Variants in SGSM3 observed in about 807,000 individuals in gnomAD.
The protein encoded by SGSM3 is RUN and SH3 containing 3.
In SGSM3, 96 loss-of-function variants were observed where a neutral mutation model predicts 100.5. That is an observed-to-expected ratio of 0.96 (90% CI 0.81 to 1.13). The LOEUF is 1.13. Among genes scored for constraint, SGSM3 ranks in the 50% most tolerant of loss-of-function variants. SGSM3 has a pLI of 0.00. For missense variants in SGSM3, 1,001 were observed against 1,015.8 expected (o/e 0.99, Z 0.20); for synonymous variants, 483 against 422.8 (o/e 1.14, Z -1.75).
chr22:40,393,551 C>G (rs1013503664), intron 1 of SGSM3, among the ~76,000 whole-genome samples: 5 of 152,240 alleles, frequency 3.3e-5, no homozygotes, highest in African/African-American at 1.2e-4. Context: ...TTTTCAGGAT[C>G]ACAAACAACC....
intron 1 of SGSM3, among the ~76,000 whole-genome samples, chr22:40,393,262 C>T (rs907953937): frequency 7.9e-5 from 12 of 152,310 alleles, no homozygotes; most frequent in African/African-American, 2.2e-4. Flanking sequence ...GACTAAGAGG[C>T]GCGTGCCACC....
At chr22:40,388,820 A>C (rs757951729) in intron 1 of SGSM3, among the ~76,000 whole-genome samples, 7 of 152,164 alleles carry the variant, frequency 4.6e-5, no homozygotes, top group Non-Finnish European at 7.3e-5. Flanking sequence ...AAGGTGAAGA[A>C]TCCATTAAAC....
In SGSM3 at chr22:40,410,103, G is replaced by A; in HGVS notation, c.*344G>A. On this transcript the variant is annotated 3_prime_UTR_variant, in exon 22 of 22. Transcript: ENST00000248929. ...TTATAAATAAACTGTGTCTGTCTTT[G>A]AGAAAGCACCTACCTGTCTTCTGTG... 4 of 1,096,856 alleles carry A rather than the reference G, an allele frequency of 3.6e-6. No homozygotes were observed. The African/African-American group carries it at 5.0e-5, about 14-fold the overall frequency. 67.9% of individuals were successfully genotyped at this position (1,096,856 alleles called of 1,614,324 possible). A position where few individuals can be genotyped will look rare whatever the true frequency, so the allele number is the denominator to read the frequency against.
chr22:40,399,912 G>C (rs1196604833), intron 1 of SGSM3, among the ~76,000 whole-genome samples: 1 of 152,360 alleles, frequency 6.6e-6, no homozygotes, highest in East Asian at 1.9e-4. Flanking sequence ...TGGCCAGTGT[G>C]TGTCTGGGGC....
In SGSM3 at chr22:40,406,515, C is replaced by T. The variant is rs749911127; in HGVS notation, c.1038C>T (p.Asp346=). The change falls in exon 10 of 22, where the codon GAC becomes GAT. Residue 346 remains aspartate (D), a synonymous_variant. Transcript: ENST00000248929. ...TLSDIPSQME[D]AELLLGVAMR... is the part of the protein sequence containing the mutation. ...CGGATATCCCGTCGCAGATGGAGGA[C>T]GCGGAGCTGCTTCTGGGGGTGGCCA... 43 of 1,612,652 alleles carry T rather than the reference C, an allele frequency of 2.7e-5. No individual in the cohort carries two copies. The highest frequency in any genetic ancestry group is 6.7e-5 in the Admixed American group (4 of 59,986).
rs752201890 is a variant in SGSM3 at position 40,408,269 on chromosome 22, C to T, written c.1630-8C>T. On this transcript the variant is annotated splice_region_variant and splice_polypyrimidine_tract_variant and intron_variant, in intron 15 of 21. Coordinates refer to ENST00000248929, the MANE Select transcript of SGSM3 (RefSeq NM_015705.6). The stretch of plus-strand genomic sequence containing the variant: ...GCAGGGCTTTCTCAGACCCATCCCT[C>T]CCATCAGTACTCCATCGCGGGGGAT... 6.2e-7 allele frequency: 1 copy of T among 1,613,164 alleles called. No individual in the cohort carries two copies. The highest frequency in any genetic ancestry group is 2.2e-5 in the East Asian group (1 of 44,852).
At chr22:40,370,784 G>C (rs1460676025) in intron 1 of SGSM3, 96 bp downstream of exon 1, 1 of 152,286 alleles carries the variant, frequency 6.6e-6, no homozygotes, top group Admixed American at 6.5e-5. Context: ...CTGTCCGACC[G>C]AGGGTCGTAT....
At position 40,406,651 on chromosome 22, in the gene SGSM3, A is replaced by C. The variant is rs2051570692; in HGVS notation, c.1174A>C (p.Asn392His). The change falls in exon 10 of 22, where the codon AAC becomes CAC. Residue 392 changes from asparagine to histidine, a missense_variant. By Grantham distance (68) the Asn-to-His change is moderately conservative. Transcript: ENST00000248929. ...GCTCCTGGGGGCCGGCACCCTCACCAACCTCTCTCAGGTGGCCCAGGATGG... is the reference window on the plus strand; with the variant it reads ...GCTCCTGGGGGCCGGCACCCTCACCCACCTCTCTCAGGTGGCCCAGGATGG... ...GQLLGAGTLT[N>H]LSQVVRRRTQ... 8 of 1,606,812 alleles carry C rather than the reference A, an allele frequency of 5.0e-6. No homozygotes were observed. The highest frequency in any genetic ancestry group is 1.7e-4 in the Middle Eastern group (1 of 6,032).
chr22:40,371,898 C>T (rs2146706406), intron 1 of SGSM3, among the ~76,000 whole-genome samples: 1 of 151,622 alleles, frequency 6.6e-6, no homozygotes. Flanking sequence ...GGTTTTTCGC[C>T]ATGTTGGCCA....
rs1569238612 is a variant in SGSM3, at chr22:40,410,080, A to G, written c.*321A>G. On this transcript the variant is annotated 3_prime_UTR_variant, in exon 22 of 22. Coordinates refer to ENST00000248929, the MANE Select transcript of SGSM3 (RefSeq NM_015705.6). ...AGTAGGCTCCTGGCCTCTTTGGTTTATAAATAAACTGTGTCTGTCTTTGAG... is the reference window on the plus strand; with the variant it reads ...AGTAGGCTCCTGGCCTCTTTGGTTTGTAAATAAACTGTGTCTGTCTTTGAG... 1.6e-6 allele frequency: 2 copies of G among 1,232,556 alleles called. No individual in the cohort carries two copies. Among genetic ancestry groups the G allele is most frequent in the Non-Finnish European group, 2.0e-6 (2 of 987,808 alleles). 76.4% of individuals were successfully genotyped at this position (1,232,556 alleles called of 1,614,324 possible).
intron 1 of SGSM3, among the ~76,000 whole-genome samples, chr22:40,396,043 A>G (rs1010530614): frequency 2.6e-5 from 4 of 152,134 alleles, no homozygotes; most frequent in Non-Finnish European, 5.9e-5. Flanking sequence ...TGGTACCCTT[A>G]CCTTGAAAAA....
Position 40,407,454 on chromosome 22 carries a change from C to A in SGSM3, c.1410C>A (p.Asp470Glu). Residue 470 changes from aspartate (D) to glutamate (E), a missense_variant, in exon 13 of 22, where the codon GAC becomes GAA. Physicochemically the swap from Asp to Glu is conservative, Grantham distance 45 (BLOSUM62 2). Coordinates refer to ENST00000248929, the MANE Select transcript of SGSM3 (RefSeq NM_015705.6). The surrounding 1 kb of genome is among the most constrained non-coding windows in gnomAD (Gnocchi z 4.7). ...ATAGCATGGAGAGCCACCAGCGGGA[C>A]CACGAGAACTACGTGGCGTGCTCAC... ...PDYSMESHQR[D>E]HENYVACSRS... 1 of 1,612,600 alleles carries A rather than the reference C, an allele frequency of 6.2e-7. No homozygotes were observed. The highest frequency in any genetic ancestry group is 8.5e-7 in the Non-Finnish European group (1 of 1,179,894).
At chr22:40,406,396 A>C (rs750635480) in intron 9 of SGSM3, 42 bp from the exon 10 acceptor site, 2 of 1,520,650 alleles carry the variant, frequency 1.3e-6, no homozygotes, top group Middle Eastern at 2.2e-4. Flanking sequence ...ACGTCCCTGC[A>C]ATGACAACCT....
chr22:40,379,820 C>A (rs2047264338), intron 1 of SGSM3, among the ~76,000 whole-genome samples: 1 of 152,106 alleles, frequency 6.6e-6, no homozygotes, highest in African/African-American at 2.4e-5. Flanking sequence ...GCAATCCTCC[C>A]ACCTCAGCTT....
At chr22:40,376,739 G>C (rs2046688391) in intron 1 of SGSM3, among the ~76,000 whole-genome samples, 1 of 152,054 alleles carries the variant, frequency 6.6e-6, no homozygotes, top group Non-Finnish European at 1.5e-5. Context: ...AACTTAGTCT[G>C]ACTCTAGAGT....
At chr22:40,375,068 G>A (rs1306268381) in intron 1 of SGSM3, among the ~76,000 whole-genome samples, 1 of 152,172 alleles carries the variant, frequency 6.6e-6, no homozygotes, top group African/African-American at 2.4e-5. Flanking sequence ...TACATGAGGA[G>A]AGATACATTC....
At chr22:40,372,360 C>G (rs894526022) in intron 1 of SGSM3, among the ~76,000 whole-genome samples, 12 of 150,698 alleles carry the variant, frequency 8.0e-5, no homozygotes, top group African/African-American at 1.2e-4. Context: ...CTCCTGACCT[C>G]GTGATCTGCC....
intron 1 of SGSM3, among the ~76,000 whole-genome samples, chr22:40,395,873 C>T (rs562802085): frequency 4.6e-5 from 7 of 152,234 alleles, no homozygotes; most frequent in East Asian, 1.9e-4. Flanking sequence ...CCTCATTCTC[C>T]GTAATCTTTC....
At chr22:40,388,628 G>A (rs2048844482) in intron 1 of SGSM3, among the ~76,000 whole-genome samples, 2 of 152,196 alleles carry the variant, frequency 1.3e-5, no homozygotes, top group Admixed American at 6.5e-5. Flanking sequence ...TGGCTGCAGG[G>A]TAGAGAGTGG....
Sources: gnomAD v4.1 joint callset for allele counts (sites outside exome capture counted in the v4.1 genomes callset) on GRCh38, gnomAD v4.1.1 for gene constraint, Gnocchi (gnomAD v3.1) non-coding constraint, MANE v1.5 for transcripts, NCBI Gene and HGNC (gene_info 2026-07-23, HGNC 2026-07-21) for gene names.